Variants in CCDC15 observed in about 807,000 individuals in gnomAD.
CCDC15 encodes the protein coiled-coil domain-containing protein 15.
In CCDC15, 105 loss-of-function variants were observed where a neutral mutation model predicts 114.5. That is an observed-to-expected ratio of 0.92 (90% CI 0.78 to 1.08). CCDC15 has a LOEUF of 1.08. Ranked by LOEUF, CCDC15 falls within the 50% of genes least tolerant of loss-of-function variation. The pLI, the probability that CCDC15 is intolerant of heterozygous loss-of-function variation, is 0.00. For missense variants in CCDC15, 1,105 were observed against 1,093.6 expected (o/e 1.01, Z -0.15); for synonymous variants, 334 against 377.8 (o/e 0.88, Z 1.34).
chr11:125,013,359 T>C (rs1174956232), intron 13 of CCDC15, among the ~76,000 whole-genome samples: 1 of 152,186 alleles, frequency 6.6e-6, no homozygotes, highest in Non-Finnish European at 1.5e-5. Context: ...GCAGAGAATC[T>C]ATAACGAAGT....
intron 6 of CCDC15, among the ~76,000 whole-genome samples, chr11:124,983,046 T>C (rs1468720107): frequency 6.6e-6 from 1 of 152,210 alleles, no homozygotes; most frequent in Non-Finnish European, 1.5e-5. Context: ...AGAGCCAGTC[T>C]TTGAGCTCTG....
At chr11:124,996,044 G>A (rs1948363659) in intron 11 of CCDC15, among the ~76,000 whole-genome samples, 3 of 151,936 alleles carry the variant, frequency 2.0e-5, no homozygotes, top group African/African-American at 7.3e-5. Flanking sequence ...TTGCCATGCT[G>A]GTCTCAAACT....
At chr11:125,021,907 C>T (rs893929423) in intron 13 of CCDC15, among the ~76,000 whole-genome samples, 1 of 151,884 alleles carries the variant, frequency 6.6e-6, no homozygotes, top group African/African-American at 2.4e-5. Context: ...TCATTGAAAA[C>T]TTCAATTTGA....
At chr11:124,988,463 G>C (rs1443262931) in intron 8 of CCDC15, among the ~76,000 whole-genome samples, 1 of 152,162 alleles carries the variant, frequency 6.6e-6, no homozygotes, top group Admixed American at 6.6e-5. Context: ...CTTTTTGCTG[G>C]TGGAGGGTCT....
intron 13 of CCDC15, among the ~76,000 whole-genome samples, chr11:125,025,812 C>T (rs1295084415): frequency 6.6e-6 from 1 of 151,978 alleles, no homozygotes; most frequent in East Asian, 1.9e-4. Flanking sequence ...GGTATCACCT[C>T]TTAATTTTGG....
chr11:124,974,364 G>A (rs1947937595), intron 4 of CCDC15, among the ~76,000 whole-genome samples: 1 of 152,142 alleles, frequency 6.6e-6, no homozygotes, highest in Non-Finnish European at 1.5e-5. Context: ...ATATAAAATA[G>A]GCTGTGCTTC....
intron 13 of CCDC15, among the ~76,000 whole-genome samples, chr11:125,035,971 TTCA>T (rs1268086016): frequency 6.6e-6 from 1 of 151,754 alleles, no homozygotes; most frequent in East Asian, 1.9e-4. Flanking sequence ...TTTTGATCAG[TTCA>T]TCTTTTAGTC....
At chr11:124,964,626 C>A (rs1355682089) in intron 4 of CCDC15, among the ~76,000 whole-genome samples, 1 of 152,104 alleles carries the variant, frequency 6.6e-6, no homozygotes, top group African/African-American at 2.4e-5. Flanking sequence ...ATTGAATACC[C>A]TTTATGTCTT....
At chr11:124,972,236 C>T (rs1947897642) in intron 4 of CCDC15, among the ~76,000 whole-genome samples, 1 of 152,054 alleles carries the variant, frequency 6.6e-6, no homozygotes, top group Admixed American at 6.6e-5. Context: ...CAGTTAACTA[C>T]AAAAGAATCA....
At chr11:125,006,288 T>C (rs760812589) in intron 13 of CCDC15, among the ~76,000 whole-genome samples, 8 of 152,174 alleles carry the variant, frequency 5.3e-5, no homozygotes, top group Non-Finnish European at 1.0e-4. Flanking sequence ...TCTCATTGTT[T>C]TAATTTTCAC....
At position 124,959,941 on chromosome 11, in the gene CCDC15, C is replaced by A. The variant is rs1432789167; in HGVS notation, c.454C>A (p.Pro152Thr). ...GSSRLPPSLM[P>T]GDGIEDEENQ... Reference sequence around the variant, plus strand: ...TTCTAGGTTACCTCCTTCCCTGATGCCTGGGGATGGAATAGAGGATGAAGA... The same window carrying A: ...TTCTAGGTTACCTCCTTCCCTGATGACTGGGGATGGAATAGAGGATGAAGA... The change falls in exon 4 of 16, where the codon CCT (proline) becomes ACT (threonine). Residue 152 changes from proline to threonine, a missense_variant. Pro to Thr is a conservative substitution (Grantham distance 38, BLOSUM62 -1). Transcript: ENST00000344762. 2 of 1,585,128 alleles carry A rather than the reference C, an allele frequency of 1.3e-6. No individual in the cohort carries two copies. The highest frequency in any genetic ancestry group is 8.6e-7 in the Non-Finnish European group (1 of 1,163,798).
rs1555074453 is a variant in CCDC15 at position 125,025,045 on chromosome 11, A to AATATATGAAT, written c.2412-13380_2412-13379insGAATATATAT. On this transcript the variant is annotated intron_variant, in intron 13 of 15. Transcript: ENST00000344762. ...ATGAATATATATATGAATACATATG[A>AATATATGAAT]ATATATATGAATATATATATGAATA... Among the ~76,000 whole-genome samples, 4 of 103,160 alleles carry AATATATGAAT rather than the reference A, an allele frequency of 3.9e-5. No homozygotes were observed. The East Asian group carries it at 9.8e-4, about 25-fold the overall frequency. The allele number at this position is 103,160 out of a possible 152,430, so 67.7% of individuals were successfully genotyped here.
chr11:124,969,166 T>C (rs2135447717), intron 4 of CCDC15, among the ~76,000 whole-genome samples: 1 of 152,316 alleles, frequency 6.6e-6, no homozygotes, highest in South Asian at 2.1e-4. Flanking sequence ...AACACAATAC[T>C]GTATTTTAAA....
intron 13 of CCDC15, among the ~76,000 whole-genome samples, chr11:125,027,623 C>G (rs1325017085): frequency 4.7e-5 from 7 of 150,502 alleles, no homozygotes; most frequent in African/African-American, 4.9e-5. Context: ...TTTGTAGATT[C>G]TGGATATTAG....
At chr11:124,977,695 AT>A (rs943585444) in intron 6 of CCDC15, 95 bp downstream of exon 6, 309 of 1,241,142 alleles carry the variant, frequency 2.5e-4, no homozygotes, top group East Asian at 3.4e-4. Context: ...GATATCCAGT[AT>A]TTTTTTTAAC....
chr11:124,954,660 T>C, intron 1 of CCDC15, 64 bp from the exon 2 acceptor site: 5 of 1,451,978 alleles, frequency 3.4e-6, no homozygotes, highest in Non-Finnish European at 4.8e-6. Flanking sequence ...GGCTCATGTG[T>C]TAGGAGGTTG....
chr11:125,041,257 A>T lies in CCDC15; in HGVS notation c.*546A>T, dbSNP rs1254913521. 4 of 152,154 alleles carry T rather than the reference A, an allele frequency of 2.6e-5. No individual in the cohort carries two copies. The highest frequency in any genetic ancestry group is 4.8e-5 in the African/African-American group (2 of 41,446). The allele number at this position is 152,154 out of a possible 1,614,324, so 9.4% of individuals were successfully genotyped here. A position where few individuals can be genotyped will look rare whatever the true frequency, so the allele number is the denominator to read the frequency against. ...TTTAAAATGTATTGCCTCTTTCCCC[A>T]TTCAGTGACACTGGACATAGGAATT... On this transcript the variant is annotated 3_prime_UTR_variant, in exon 16 of 16. Transcript: ENST00000344762.
chr11:124,983,245 G>A (rs1198291960), intron 6 of CCDC15, among the ~76,000 whole-genome samples: 1 of 152,002 alleles, frequency 6.6e-6, no homozygotes, highest in Non-Finnish European at 1.5e-5. Context: ...CCTGAATGTC[G>A]ATATTTTTGT....
At chr11:124,964,217 A>G (rs1463819047) in intron 4 of CCDC15, among the ~76,000 whole-genome samples, 1 of 152,138 alleles carries the variant, frequency 6.6e-6, no homozygotes, top group Non-Finnish European at 1.5e-5. Context: ...CACTGAATCT[A>G]TAAATTACCT....
Sources: allele counts gnomAD v4.1 joint callset (sites outside exome capture counted in the v4.1 genomes callset), GRCh38; gene constraint gnomAD v4.1.1; transcripts MANE v1.5; gene names NCBI Gene and HGNC (gene_info 2026-07-23, HGNC 2026-07-21).